SMAP1: variants seen among roughly 807,000 people sequenced by gnomAD.
SMAP1 encodes the protein small ArfGAP 1, also known as stromal membrane-associated protein 1.
SMAP1 carries 24 observed loss-of-function variants against 58.5 expected under a neutral mutation model. That is an observed-to-expected ratio of 0.41 (90% CI 0.30 to 0.58). The LOEUF (loss-of-function observed/expected upper bound fraction) is 0.58. Among genes scored for constraint, SMAP1 ranks in the 20% least tolerant of loss-of-function variants. SMAP1 has a pLI of 0.29. For synonymous variants in SMAP1, 216 were observed against 196.6 expected, an observed-to-expected ratio of 1.10 and a Z score of -0.82; for missense variants, 563 against 566.3, an observed-to-expected ratio of 0.99 and a Z score of 0.06.
At chr6:70,735,526 C>G (rs1440562706) in intron 2 of SMAP1, among the ~76,000 whole-genome samples, 1 of 152,042 alleles carries the variant, frequency 6.6e-6, no homozygotes, top group Non-Finnish European at 1.5e-5. Flanking sequence ...TCCTGTAATC[C>G]CAGAACTTTG....
intron 5 of SMAP1, among the ~76,000 whole-genome samples, chr6:70,793,966 C>T (rs545756222): frequency 6.6e-6 from 1 of 152,218 alleles, no homozygotes; most frequent in African/African-American, 2.4e-5. Flanking sequence ...CTCCCGACCT[C>T]AGGTGATCTG....
At chr6:70,800,013 A>C (rs1411802506) in intron 6 of SMAP1, among the ~76,000 whole-genome samples, 1 of 152,186 alleles carries the variant, frequency 6.6e-6, no homozygotes, top group Non-Finnish European at 1.5e-5. Context: ...AATGAGGCCC[A>C]GTGCCTTTTC....
intron 1 of SMAP1, among the ~76,000 whole-genome samples, chr6:70,675,043 C>A (rs1766419366): frequency 6.6e-6 from 1 of 150,592 alleles, no homozygotes; most frequent in Admixed American, 6.6e-5. Context: ...TCTCAGTAGA[C>A]ATGAAACAAT....
At chr6:70,691,814 G>A (rs1767180799) in intron 1 of SMAP1, among the ~76,000 whole-genome samples, 1 of 152,106 alleles carries the variant, frequency 6.6e-6, no homozygotes, top group Non-Finnish European at 1.5e-5. Flanking sequence ...GCTGAATATA[G>A]TACTCCAATG....
chr6:70,765,997 T>A, intron 3 of SMAP1, among the ~76,000 whole-genome samples: 1 of 150,824 alleles, frequency 6.6e-6, no homozygotes, highest in South Asian at 2.1e-4. Flanking sequence ...TATGCAGTGT[T>A]TGGTTTTTTG....
At chr6:70,836,271 G>C (rs1770580379) in intron 6 of SMAP1, among the ~76,000 whole-genome samples, 1 of 152,306 alleles carries the variant, frequency 6.6e-6, no homozygotes, top group South Asian at 2.1e-4. Context: ...GGAAGAGCAA[G>C]TCACATCTTA....
chr6:70,741,493 CT>C (rs1290475929), intron 2 of SMAP1, among the ~76,000 whole-genome samples: 1 of 152,232 alleles, frequency 6.6e-6, no homozygotes, highest in African/African-American at 2.4e-5. Context: ...TTCCTATGGC[CT>C]TGGGCAGCTC....
chr6:70,767,440 TTC>T (rs1174354140), intron 3 of SMAP1, among the ~76,000 whole-genome samples: 2 of 152,216 alleles, frequency 1.3e-5, no homozygotes, highest in Non-Finnish European at 1.5e-5. Context: ...TGGTTTGTAG[TTC>T]TCCACTTGAA....
rs573459515 is a variant in SMAP1, at chr6:70,781,628, T to A, written c.414+8203T>A. On this transcript the variant is annotated intron_variant, in intron 4 of 10. Coordinates refer to ENST00000370455, the MANE Select transcript of SMAP1 (RefSeq NM_001044305.3). The stretch of plus-strand genomic sequence containing the variant: ...AATCTATAAGATGTTTTTCAGTGAC[T>A]GTATCTTTTTCACTGCTTTGGACCA... 4.5e-3 allele frequency among the ~76,000 whole-genome samples: 682 copies of A among 152,352 alleles called. 8 individuals are homozygous for A. The highest frequency in any genetic ancestry group is 0.015 in the African/African-American group (632 of 41,588).
Position 70,858,362 on chromosome 6 carries a change from T to C in SMAP1, c.1269+133T>C, listed in dbSNP as rs558501789. On this transcript the variant is annotated intron_variant, in intron 10 of 10. Transcript: ENST00000370455. Reference sequence around the variant, plus strand: ...AGAATTCAATAGGGATAATATGTTATAGGGTCAAAAGTATCTATAAATATT... The same window carrying C: ...AGAATTCAATAGGGATAATATGTTACAGGGTCAAAAGTATCTATAAATATT... The C allele has an allele frequency of 8.9e-5, 66 of 743,054 alleles. No individual in the cohort carries two copies. In the Admixed American group the frequency reaches 2.0e-3, roughly 22 times the overall value. 46.0% of individuals were successfully genotyped at this position (743,054 alleles called of 1,614,324 possible). A position where few individuals can be genotyped will look rare whatever the true frequency, so the allele number is the denominator to read the frequency against.
chr6:70,749,194 A>G (rs1766172718), intron 2 of SMAP1, among the ~76,000 whole-genome samples: 1 of 152,172 alleles, frequency 6.6e-6, no homozygotes, highest in Admixed American at 6.5e-5. Context: ...AGAAGCGTGC[A>G]GGGGAAACTG....
intron 4 of SMAP1, among the ~76,000 whole-genome samples, chr6:70,785,915 C>G (rs1237793068): frequency 6.6e-6 from 1 of 152,108 alleles, no homozygotes; most frequent in East Asian, 1.9e-4. Flanking sequence ...CGATTCCAAT[C>G]AATAGAAAAA....
At chr6:70,859,561 A>G (rs1771610649) in intron 10 of SMAP1, 1 of 526,424 alleles carries the variant, frequency 1.9e-6, no homozygotes, top group Non-Finnish European at 3.2e-6. Context: ...TTTTAAACCC[A>G]CTCACTATAT....
rs1766748695 is a variant in SMAP1 at position 70,682,254 on chromosome 6, T to A, written c.118+14113T>A. On this transcript the variant is annotated intron_variant, in intron 1 of 10. Coordinates refer to ENST00000370455, the MANE Select transcript of SMAP1 (RefSeq NM_001044305.3). ...CCCAGGCTCAAGTGCAGTGGGGCTA[T>A]CTTGGCTTATTGCAACCTCTGCCTC... 2.0e-5 allele frequency among the ~76,000 whole-genome samples: 3 copies of A among 147,754 alleles called. No individual in the cohort carries two copies. In the South Asian group the frequency reaches 6.5e-4, roughly 32 times the overall value.
intron 7 of SMAP1, among the ~76,000 whole-genome samples, chr6:70,839,754 G>T (rs771119768): frequency 2.0e-5 from 3 of 152,136 alleles, no homozygotes; most frequent in Non-Finnish European, 2.9e-5. Context: ...GTCTTACCCA[G>T]AGCACATACA....
rs138135297 is a variant in SMAP1 at position 70,688,744 on chromosome 6, C to T, written c.118+20603C>T. ...CTACTTTGTAGCTTAACTTTACATC[C>T]TCTTCACATGGTCTTGCATAGAAGA... On this transcript the variant is annotated intron_variant, in intron 1 of 10. Transcript: ENST00000370455. Among the ~76,000 whole-genome samples the T allele has an allele frequency of 2.6e-5, 4 of 152,268 alleles. No individual in the cohort carries two copies. In the East Asian group the frequency reaches 7.7e-4, roughly 29 times the overall value.
intron 7 of SMAP1, among the ~76,000 whole-genome samples, chr6:70,841,047 T>C (rs1770783743): frequency 6.6e-6 from 1 of 152,174 alleles, no homozygotes; most frequent in African/African-American, 2.4e-5. Context: ...ATGATAAAAA[T>C]TGACAGACTG....
chr6:70,857,953 T>C lies in SMAP1; in HGVS notation c.993T>C (p.Phe331=). ...TTATGGGACCCACAAATATACCATT[T>C]ACCTCACAAGCACCAGCTGCATTTC... is the stretch of plus-strand genomic sequence containing the variant. ...GVFMGPTNIP[F]TSQAPAAFQG... Residue 331 remains phenylalanine, a synonymous_variant, in exon 10 of 11, where the codon TTT becomes TTC. Transcript: ENST00000370455. The C allele has an allele frequency of 1.2e-6, 2 of 1,614,150 alleles. No homozygotes were observed. The highest frequency in any genetic ancestry group is 1.7e-6 in the Non-Finnish European group (2 of 1,179,998).
intron 1 of SMAP1, among the ~76,000 whole-genome samples, chr6:70,705,862 G>A (rs913484894): frequency 1.3e-5 from 2 of 152,262 alleles, no homozygotes; most frequent in South Asian, 4.1e-4. Context: ...TATAAAATTT[G>A]TCTACAGTTC....
Sources: allele counts gnomAD v4.1 joint callset (sites outside exome capture counted in the v4.1 genomes callset), GRCh38; gene constraint gnomAD v4.1.1; transcripts MANE v1.5; gene names NCBI Gene and HGNC (gene_info 2026-07-23, HGNC 2026-07-21).